Variants in SLC12A6 observed in about 807,000 individuals in gnomAD.
SLC12A6 encodes the protein solute carrier family 12 member 6, also known as K-Cl cotransporter 3.
In SLC12A6, 66 loss-of-function variants were observed where a neutral mutation model predicts 135.3. That is an observed-to-expected ratio of 0.49 (90% CI 0.40 to 0.60). SLC12A6 has a LOEUF of 0.60. Among genes scored for constraint, SLC12A6 ranks in the 20% least tolerant of loss-of-function variants. The pLI is 0.00. For synonymous variants in SLC12A6, 513 were observed against 508.8 expected, an observed-to-expected ratio of 1.01 and a Z score of -0.11; for missense variants, 1,058 against 1,452.3, an observed-to-expected ratio of 0.73 and a Z score of 4.41.
intron 25 of SLC12A6, among the ~76,000 whole-genome samples, 184 bp downstream of exon 25, chr15:34,234,997 C>G (rs903720468): frequency 6.6e-6 from 1 of 152,142 alleles, no homozygotes; most frequent in African/African-American, 2.4e-5. Context: ...TTATATTTGC[C>G]CCAACTCCCC....
chr15:34,325,905 C>T (rs347829), intron 2 of SLC12A6, among the ~76,000 whole-genome samples: 123 of 152,294 alleles, frequency 8.1e-4, no homozygotes, highest in African/African-American at 2.8e-3. Flanking sequence ...TAGGATTATA[C>T]GTCCAATGCA....
Position 34,336,450 on chromosome 15 carries a change from T to C in SLC12A6, c.231A>G (p.Pro77=), listed in dbSNP as rs999395828. 10 of 1,613,894 alleles carry C rather than the reference T, an allele frequency of 6.2e-6. No individual in the cohort carries two copies. The highest frequency in any genetic ancestry group is 1.6e-4 in the Middle Eastern group (1 of 6,084). Residue 77 remains proline, a synonymous_variant, in exon 2 of 26, where the codon CCA becomes CCG. Coordinates refer to ENST00000354181, the MANE Select transcript of SLC12A6 (RefSeq NM_001365088.1). ...GGGGGTGAGAAGTCCGGTCACTGGGTGGATCCAGTGCAACAGTTGCCAGCG... is the reference window on the plus strand; with the variant it reads ...GGGGGTGAGAAGTCCGGTCACTGGGCGGATCCAGTGCAACAGTTGCCAGCG... ...TTSLATVALD[P]PSDRTSHPQD... is the part of the protein sequence containing the mutation.
chr15:34,263,014 C>G (rs1893259017), intron 3 of SLC12A6, among the ~76,000 whole-genome samples: 1 of 152,172 alleles, frequency 6.6e-6, no homozygotes, highest in Non-Finnish European at 1.5e-5. Flanking sequence ...AATCCTGTGT[C>G]ACTATGCTTC....
In SLC12A6 at chr15:34,233,821, C is replaced by A; in HGVS notation, c.*60G>T. 1 of 889,834 alleles carries A rather than the reference C, an allele frequency of 1.1e-6. No homozygotes were observed. The highest frequency in any genetic ancestry group is 1.6e-5 in the African/African-American group (1 of 61,402). 55.1% of individuals were successfully genotyped at this position (889,834 alleles called of 1,614,324 possible). A position where few individuals can be genotyped will look rare whatever the true frequency, so the allele number is the denominator to read the frequency against. On this transcript the variant is annotated 3_prime_UTR_variant, in exon 26 of 26. Transcript: ENST00000354181. ...TGGGAGTGGTAGTAATGAGCTGGCA[C>A]TTCCATGGAGGACGTAGGCCTTTTA...
At chr15:34,316,942 T>A (rs1386583508) in intron 2 of SLC12A6, among the ~76,000 whole-genome samples, 1 of 152,182 alleles carries the variant, frequency 6.6e-6, no homozygotes, top group Non-Finnish European at 1.5e-5. Flanking sequence ...CCTAAAGGGA[T>A]TAAACTGTAA....
chr15:34,236,182 G>A lies in SLC12A6; in HGVS notation c.3060C>T (p.Asp1020=), dbSNP rs1891250518. The change falls in exon 24 of 26, where the codon GAC becomes GAT. Residue 1020 remains aspartate (D), a synonymous_variant. Coordinates refer to ENST00000354181, the MANE Select transcript of SLC12A6 (RefSeq NM_001365088.1). The part of the protein sequence containing the change: ...ERDREAQLVK[D]RNSMLRLTSI... ...TGGTCAATCGTAGCATTGAGTTTCG[G>A]TCTTTCACCAATTGTGCCTGAGGAA... The A allele has an allele frequency of 1.2e-6, 2 of 1,613,660 alleles. No homozygotes were observed. Among genetic ancestry groups the A allele is most frequent in the African/African-American group, 1.3e-5 (1 of 74,876 alleles).
intron 3 of SLC12A6, among the ~76,000 whole-genome samples, chr15:34,264,984 C>CA (rs1301447395): frequency 6.6e-6 from 1 of 152,124 alleles, no homozygotes; most frequent in Non-Finnish European, 1.5e-5. Flanking sequence ...ATCACGAGGT[C>CA]AGGAGATTGA....
At chr15:34,292,493 A>G (rs915260770) in intron 2 of SLC12A6, among the ~76,000 whole-genome samples, 2 of 152,194 alleles carry the variant, frequency 1.3e-5, no homozygotes, top group Admixed American at 1.3e-4. Context: ...GAGCTCAAAC[A>G]TCACGCTGGG....
In SLC12A6 at chr15:34,257,775, C is replaced by G; in HGVS notation, c.557G>C (p.Gly186Ala). 1 of 1,606,364 alleles carries G rather than the reference C, an allele frequency of 6.2e-7. No individual in the cohort carries two copies. Among genetic ancestry groups the G allele is most frequent in the Non-Finnish European group, 8.5e-7 (1 of 1,173,178 alleles). The change falls in exon 6 of 26, where the codon GGT becomes GCT. Residue 186 changes from glycine to alanine, a missense_variant. Coordinates refer to ENST00000354181, the MANE Select transcript of SLC12A6 (RefSeq NM_001365088.1). ...KKKPTKTPQM[G>A]TFMGVYLPCL... The stretch of plus-strand genomic sequence containing the variant: ...TGGGAGGTAGACACCCATGAAGGTA[C>G]CCATTTGGGGGGTCTAGAAAGAAAG...
At chr15:34,319,498 C>T (rs1417452597) in intron 2 of SLC12A6, among the ~76,000 whole-genome samples, 1 of 152,038 alleles carries the variant, frequency 6.6e-6, no homozygotes, top group East Asian at 1.9e-4. Context: ...ACTATATCAA[C>T]TTAAAATATG....
intron 2 of SLC12A6, among the ~76,000 whole-genome samples, chr15:34,302,942 A>G (rs1896355298): frequency 7.0e-6 from 1 of 143,716 alleles, no homozygotes; most frequent in Admixed American, 7.0e-5. Flanking sequence ...AGACGGGAGA[A>G]GGGAGACCCT....
Position 34,257,892 on chromosome 15 carries a change from G to A in SLC12A6, c.544-104C>T. The A allele has an allele frequency of 4.0e-6, 3 of 747,516 alleles. No individual in the cohort carries two copies. In the South Asian group the frequency reaches 4.5e-5, roughly 11 times the overall value. 46.3% of individuals were successfully genotyped at this position (747,516 alleles called of 1,614,324 possible). ...CCCTAACTACCATATTAACCTCCAAGCAGAAATCATAAGTTTAATCAATAC... is the reference window on the plus strand; with the variant it reads ...CCCTAACTACCATATTAACCTCCAAACAGAAATCATAAGTTTAATCAATAC... On this transcript the variant is annotated intron_variant, in intron 5 of 25. Coordinates refer to ENST00000354181, the MANE Select transcript of SLC12A6 (RefSeq NM_001365088.1).
At chr15:34,313,102 C>G (rs894242891) in intron 2 of SLC12A6, among the ~76,000 whole-genome samples, 1 of 152,186 alleles carries the variant, frequency 6.6e-6, no homozygotes, top group Non-Finnish European at 1.5e-5. Flanking sequence ...TCTAAGTTTT[C>G]AAGTGAAAAG....
At chr15:34,287,218 T>C (rs977232155) in intron 2 of SLC12A6, among the ~76,000 whole-genome samples, 1 of 152,122 alleles carries the variant, frequency 6.6e-6, no homozygotes, top group African/African-American at 2.4e-5. Context: ...CACTTATGAG[T>C]GAGAACATGT....
Position 34,336,537 on chromosome 15 carries a change from C to T in SLC12A6, c.144G>A (p.Arg48=). The change falls in exon 2 of 26, where the codon CGG becomes CGA. Residue 48 remains arginine (R), a synonymous_variant. Transcript: ENST00000354181. ...RSSSRVRFSS[R]ESVPETSRSE... is the part of the protein sequence containing the mutation. The stretch of plus-strand genomic sequence containing the variant: ...TCCGGCTTGTTTCAGGCACGCTTTC[C>T]CGGGAGCTAAATCTTACTCGGGAAC... The T allele has an allele frequency of 6.2e-7, 1 of 1,614,082 alleles. No homozygotes were observed. Among genetic ancestry groups the T allele is most frequent in the East Asian group, 2.2e-5 (1 of 44,880 alleles).
rs1189684570 is a variant in SLC12A6, at chr15:34,254,329, C to CAG, written c.1118+17_1118+18dup. On this transcript the variant is annotated intron_variant, in intron 9 of 25. Coordinates refer to ENST00000354181, the MANE Select transcript of SLC12A6 (RefSeq NM_001365088.1). ...TTACTACCCAATAAGGATGGCTAGG[C>CAG]AGAGAGACAGACACGTACGGGAAGT... The CAG allele has an allele frequency of 6.2e-7, 1 of 1,610,102 alleles. No homozygotes were observed. The highest frequency in any genetic ancestry group is 1.3e-5 in the African/African-American group (1 of 74,820).
At chr15:34,239,822 A>C (rs76067893) in intron 19 of SLC12A6, among the ~76,000 whole-genome samples, 2,530 of 152,316 alleles carry the variant, frequency 0.017, 29 homozygotes, top group Middle Eastern at 0.065. Context: ...TGATGCGGCT[A>C]AGAACTAGGC....
In SLC12A6 at chr15:34,315,865, G is replaced by C. The variant is rs530081856; in HGVS notation, c.271+20545C>G. Among the ~76,000 whole-genome samples the C allele has an allele frequency of 4.6e-5, 7 of 152,230 alleles. No homozygotes were observed. In the South Asian group the frequency reaches 1.5e-3, roughly 32 times the overall value. On this transcript the variant is annotated intron_variant, in intron 2 of 25. Coordinates refer to ENST00000354181, the MANE Select transcript of SLC12A6 (RefSeq NM_001365088.1). ...GTGGTGGCATGTGCCTGTAGTCCCAGGAGGTGGAGGTTGCAGCGAGCAGAG... is the reference window on the plus strand; with the variant it reads ...GTGGTGGCATGTGCCTGTAGTCCCACGAGGTGGAGGTTGCAGCGAGCAGAG...
chr15:34,330,843 T>C (rs1430417091), intron 2 of SLC12A6, among the ~76,000 whole-genome samples: 1 of 151,996 alleles, frequency 6.6e-6, no homozygotes, highest in Non-Finnish European at 1.5e-5. Flanking sequence ...AAGGTAATAG[T>C]CCATCCTGGC....
Sources: gnomAD v4.1 joint callset for allele counts (sites outside exome capture counted in the v4.1 genomes callset) on GRCh38, gnomAD v4.1.1 for gene constraint, MANE v1.5 for transcripts, NCBI Gene and HGNC (gene_info 2026-07-23, HGNC 2026-07-21) for gene names.